The following CIART variants were observed in gnomAD, a reference collection of about 807,000 sequenced individuals.
CIART encodes the protein circadian associated repressor of transcription.
CIART carries 7 observed loss-of-function variants against 22.1 expected under a neutral mutation model. The observed-to-expected ratio is 0.32, with a 90% CI of 0.18 to 0.59. The LOEUF (loss-of-function observed/expected upper bound fraction) is 0.59. Among genes scored for constraint, CIART ranks in the 20% least tolerant of loss-of-function variants. The probability of loss-of-function intolerance (pLI) is 0.86; values close to 1 mark genes in which losing one functional copy is unlikely to be tolerated. For missense variants in CIART, 440 were observed against 478.0 expected (o/e 0.92, Z 0.74); for synonymous variants, 163 against 174.6 (o/e 0.93, Z 0.53).
intron 1 of CIART, 66 bp downstream of exon 1, chr1:150,283,699 C>T (rs1459732081): frequency 1.9e-6 from 3 of 1,575,916 alleles, no homozygotes; most frequent in African/African-American, 2.7e-5. Flanking sequence ...TTGATAAGGA[C>T]CCTGTGAGGA....
In CIART at chr1:150,282,954, A is replaced by C; in HGVS notation, c.-314A>C. 1.2e-5 allele frequency: 2 copies of C among 167,300 alleles called. No individual in the cohort carries two copies. The highest frequency in any genetic ancestry group is 1.2e-5 in the Non-Finnish European group (1 of 80,606). The allele number at this position is 167,300 out of a possible 1,614,324, so 10.4% of individuals were successfully genotyped here. Reference sequence around the variant, plus strand: ...AGGGGAAGGTGTCTTTCAAGTCGGTATTTACTCTGAACTGAGGGAAGAAAA... The same window carrying C: ...AGGGGAAGGTGTCTTTCAAGTCGGTCTTTACTCTGAACTGAGGGAAGAAAA... On this transcript the variant is annotated 5_prime_UTR_variant, in exon 1 of 5. Transcript: ENST00000290363.
intron 4 of CIART, chr1:150,285,114 C>T: frequency 1.4e-5 from 3 of 211,028 alleles, no homozygotes; most frequent in Non-Finnish European, 2.9e-5. Flanking sequence ...ATCCTTGTGC[C>T]AAACCCTTTG....
chr1:150,286,556 C>CCTCACCTGGCCA lies in CIART; in HGVS notation c.761_762insTCACCTGGCCAC (p.Pro254_Ala255insHisLeuAlaThr), dbSNP rs782805635. On this transcript the variant is annotated inframe_insertion, in exon 5 of 5. Transcript: ENST00000290363. ...GCAGCCTTGGCACCTCACACAATGG[C>CCTCACCTGGCCA]CAGCTATGAACCTCACCTGGATCCA... 2.7e-5 allele frequency: 44 copies of CCTCACCTGGCCA among 1,604,672 alleles called. No homozygotes were observed. In the South Asian group the frequency reaches 4.2e-4, roughly 15 times the overall value.
rs781963912 is a variant in CIART, at chr1:150,283,485, AC to A, written c.220del (p.Gln74SerfsTer33). 13 of 1,614,212 alleles carry A rather than the reference AC, an allele frequency of 8.1e-6. No homozygotes were observed. In the South Asian group the frequency reaches 1.3e-4, roughly 16 times the overall value. ...AGGCATCGATCGAAGGTTTCCGGTA[AC>A]CAGCATACACCATCTCATCCGAAAC... Reference protein sequence around the residue: ...RCRHRSKVSGNQHTPSHPKQR... With the variant: ...RCRHRSKVSGXQHTPSHPKQR... On this transcript the variant is annotated frameshift_variant, in exon 1 of 5. Transcript: ENST00000290363. LOFTEE classifies it high-confidence loss of function.
In CIART at chr1:150,283,251, C is replaced by T. The variant is rs782073669; in HGVS notation, c.-17C>T. The T allele has an allele frequency of 3.3e-6, 5 of 1,511,064 alleles. No individual in the cohort carries two copies. Among genetic ancestry groups the T allele is most frequent in the Admixed American group, 2.3e-5 (1 of 43,836 alleles). 93.6% of individuals were successfully genotyped at this position (1,511,064 alleles called of 1,614,324 possible). ...GGGTACTCCAGGAGCTGTTCTATAG[C>T]CCCTGCTTCTGGACCTATGGATTCT... is the stretch of plus-strand genomic sequence containing the variant. On this transcript the variant is annotated 5_prime_UTR_variant, in exon 1 of 5. Coordinates refer to ENST00000290363, the MANE Select transcript of CIART (RefSeq NM_144697.4).
In CIART at chr1:150,286,542, A is replaced by T; in HGVS notation, c.746A>T (p.His249Leu). The T allele has an allele frequency of 6.2e-7, 1 of 1,601,568 alleles. No individual in the cohort carries two copies. The highest frequency in any genetic ancestry group is 8.6e-7 in the Non-Finnish European group (1 of 1,168,720). Reference sequence around the variant, plus strand: ...GCTTTAAAACCAAAGCAGCCTTGGCACCTCACACAATGGCCAGCTATGAAC... The same window carrying T: ...GCTTTAAAACCAAAGCAGCCTTGGCTCCTCACACAATGGCCAGCTATGAAC... ...HLALKPKQPW[H>L]LTQWPAMNLT... The change falls in exon 5 of 5, where the codon CAC (histidine) becomes CTC (leucine). Residue 249 changes from histidine to leucine, a missense_variant. Transcript: ENST00000290363.
rs147269137 is a variant in CIART, at chr1:150,286,661, G to A, written c.865G>A (p.Gly289Ser). ...CCATGGTCCTTTAGGCACTGGAACCGGCATTGGCGTCATTCTTTTCCTCCA... is the reference window on the plus strand; with the variant it reads ...CCATGGTCCTTTAGGCACTGGAACCAGCATTGGCGTCATTCTTTTCCTCCA... ...FSHGPLGTGT[G>S]IGVILFLQHG... Residue 289 changes from glycine to serine, a missense_variant, in exon 5 of 5, where the codon GGC becomes AGC. Physicochemically the swap from Gly to Ser is moderately conservative, Grantham distance 56. Coordinates refer to ENST00000290363, the MANE Select transcript of CIART (RefSeq NM_144697.4). The A allele has an allele frequency of 5.5e-5, 88 of 1,614,086 alleles. No homozygotes were observed. The highest frequency in any genetic ancestry group is 6.6e-5 in the Non-Finnish European group (78 of 1,179,980).
intron 4 of CIART, 136 bp from the exon 5 acceptor site, chr1:150,286,294 A>G (rs1572132719): frequency 1.0e-5 from 8 of 768,280 alleles, no homozygotes; most frequent in Middle Eastern, 3.3e-4. Flanking sequence ...TGGCAAGATC[A>G]TATCTGTTGC....
chr1:150,284,704 C>A lies in CIART; in HGVS notation c.629C>A (p.Thr210Asn). The A allele has an allele frequency of 6.2e-7, 1 of 1,606,952 alleles. No individual in the cohort carries two copies. The highest frequency in any genetic ancestry group is 8.5e-7 in the Non-Finnish European group (1 of 1,173,564). ...TTGGGTGGTGGCAAGCATCAGCTGA[C>A]CAAGGTAAGAACTTAAGAACACGAG... ...SSLGGGKHQL[T>N]KHFPSHHSDS... Residue 210 changes from threonine to asparagine, a missense_variant, in exon 4 of 5, where the codon ACC becomes AAC. Coordinates refer to ENST00000290363, the MANE Select transcript of CIART (RefSeq NM_144697.4).
rs782220052 is a variant in CIART, at chr1:150,287,006, G to A, written c.*52G>A. The A allele has an allele frequency of 7.1e-7, 1 of 1,407,236 alleles. No individual in the cohort carries two copies. The highest frequency in any genetic ancestry group is 1.5e-5 in the African/African-American group (1 of 68,904). 87.2% of individuals were successfully genotyped at this position (1,407,236 alleles called of 1,614,324 possible). ...ACTTCTAATTTGTGTAAATATTTAT[G>A]TATATATGTATTTTTACTATTAATG... is the stretch of plus-strand genomic sequence containing the variant. On this transcript the variant is annotated 3_prime_UTR_variant, in exon 5 of 5. Coordinates refer to ENST00000290363, the MANE Select transcript of CIART (RefSeq NM_144697.4).
intron 4 of CIART, chr1:150,285,188 G>T: frequency 5.6e-6 from 1 of 177,562 alleles, no homozygotes; most frequent in Non-Finnish European, 1.2e-5. Flanking sequence ...CTGGAAGTAG[G>T]GGAGGGGGGC....
At chr1:150,284,899 T>TG in intron 4 of CIART, 191 bp downstream of exon 4, 3 of 596,290 alleles carry the variant, frequency 5.0e-6, no homozygotes. Context: ...TTGTTGTTGT[T>TG]TTGTTTGAAT....
In CIART at chr1:150,286,627, C is replaced by A. The variant is rs782006834; in HGVS notation, c.831C>A (p.Ile277=). Residue 277 remains isoleucine, a synonymous_variant, in exon 5 of 5, where the codon ATC becomes ATA. Transcript: ENST00000290363. Reference sequence around the variant, plus strand: ...CCCCTCTCAGCTCCCCAGGTACTATCTCCTTTAGCCATGGTCCTTTAGGCA... The same window carrying A: ...CCCCTCTCAGCTCCCCAGGTACTATATCCTTTAGCCATGGTCCTTTAGGCA... ...CNPPLSSPGT[I]SFSHGPLGTG... 6.2e-7 allele frequency: 1 copy of A among 1,612,294 alleles called. No homozygotes were observed. Among genetic ancestry groups the A allele is most frequent in the South Asian group, 1.1e-5 (1 of 91,048 alleles).
chr1:150,285,119 CCTTTG>C, intron 4 of CIART: 2 of 206,292 alleles, frequency 9.7e-6, no homozygotes, highest in Non-Finnish European at 2.0e-5. Context: ...TGTGCCAAAC[CCTTTG>C]ACAGTTTTTG....
chr1:150,284,382 T>TGTA (rs1200751015), intron 2 of CIART, 44 bp from the exon 3 acceptor site: 5 of 1,510,660 alleles, frequency 3.3e-6, no homozygotes, highest in Non-Finnish European at 4.6e-6. Flanking sequence ...CCTGACTACA[T>TGTA]GCTTGAATCT....
At chr1:150,285,045 C>A (rs747687437) in intron 4 of CIART, 20 of 295,848 alleles carry the variant, frequency 6.8e-5, no homozygotes, top group Non-Finnish European at 8.3e-5. Flanking sequence ...TCTGCAAACT[C>A]TTTTTTCCCT....
In CIART at chr1:150,284,604, TAC is replaced by T. The variant is rs1202654514; in HGVS notation, c.530_531del (p.Tyr177SerfsTer42). 6.8e-6 allele frequency: 11 copies of T among 1,612,362 alleles called. No homozygotes were observed. The highest frequency in any genetic ancestry group is 9.3e-6 in the Non-Finnish European group (11 of 1,178,394). ...GCAACGTCATTTTCACAGGGAACGT[TAC>T]CTAGGAACCTTGCTACAGGTAGAAG... ...VLQKPQMGER[Y>X]LGTLLQVEGM... is the part of the protein sequence containing the mutation. On this transcript the variant is annotated frameshift_variant, in exon 4 of 5. Transcript: ENST00000290363. LOFTEE classifies it high-confidence loss of function.
chr1:150,284,003 T>TTTTTTATTATTATTATTATTATTA (rs1653322541), intron 2 of CIART, 123 bp downstream of exon 2: 1 of 479,322 alleles, frequency 2.1e-6, no homozygotes, highest in African/African-American at 2.6e-5. Context: ...CTACTATGAC[T>TTTTTTATTATTATTATTATTATTA]TTATTATTAT....
chr1:150,284,544 G>C, intron 3 of CIART, 40 bp downstream of exon 3: 5 of 1,596,294 alleles, frequency 3.1e-6, no homozygotes, highest in African/African-American at 1.3e-5. Context: ...TTCATAAAAA[G>C]GAGATTTCTC....
Sources: allele counts gnomAD v4.1 joint callset, GRCh38; gene constraint gnomAD v4.1.1; transcripts MANE v1.5; gene names NCBI Gene and HGNC (gene_info 2026-07-23, HGNC 2026-07-21).